Variants in CTNNA2 observed in about 807,000 individuals in gnomAD.
CTNNA2 encodes catenin alpha 2.
Under a neutral mutation model 101.0 loss-of-function variants are expected in CTNNA2, and 42 were observed. The ratio of observed to expected loss-of-function variants is 0.42; its 90% CI spans 0.32 to 0.54. The LOEUF is 0.54. CTNNA2 is among the 20% of genes least tolerant of loss of function. The pLI, the probability that CTNNA2 is intolerant of heterozygous loss-of-function variation, is 0.14. For missense variants in CTNNA2, 871 were observed against 1,223.1 expected (o/e 0.71, Z 4.29); for synonymous variants, 450 against 456.4 (o/e 0.99, Z 0.18).
intron 2 of CTNNA2, among the ~76,000 whole-genome samples, chr2:79,279,266 G>C (rs139979498): frequency 2.0e-5 from 3 of 151,928 alleles, no homozygotes; most frequent in Non-Finnish European, 4.4e-5. Flanking sequence ...GTGTGCCCTC[G>C]CATAGAAAAG....
chr2:79,318,980 A>C (rs986715536), intron 3 of CTNNA2, among the ~76,000 whole-genome samples: 15 of 152,202 alleles, frequency 9.9e-5, no homozygotes, highest in African/African-American at 2.9e-4. Context: ...ATAGTCACTT[A>C]GAAATTAGGA....
chr2:80,245,297 G>T (rs1372004096), intron 7 of CTNNA2, among the ~76,000 whole-genome samples: 1 of 152,136 alleles, frequency 6.6e-6, no homozygotes, highest in African/African-American at 2.4e-5. Flanking sequence ...GTAAAATATT[G>T]ATTTAGGGCA....
At chr2:80,152,170 A>G (rs1452723560) in intron 7 of CTNNA2, among the ~76,000 whole-genome samples, 1 of 152,232 alleles carries the variant, frequency 6.6e-6, no homozygotes, top group Non-Finnish European at 1.5e-5. Context: ...CATACGATTC[A>G]GTTAAGAATA....
chr2:79,724,716 G>A (rs1686709300), intron 2 of CTNNA2, among the ~76,000 whole-genome samples: 1 of 150,468 alleles, frequency 6.6e-6, no homozygotes, highest in African/African-American at 2.5e-5. Context: ...TTTGGAGGCT[G>A]AGGCAGGAGA....
chr2:79,841,789 C>T (rs1471758265), intron 3 of CTNNA2, among the ~76,000 whole-genome samples: 1 of 152,156 alleles, frequency 6.6e-6, no homozygotes, highest in Non-Finnish European at 1.5e-5. Flanking sequence ...AAAGGAAAAG[C>T]CAGATGTTTG....
At chr2:79,210,350 G>A (rs986713564) in intron 2 of CTNNA2, among the ~76,000 whole-genome samples, 3 of 152,046 alleles carry the variant, frequency 2.0e-5, no homozygotes, top group Admixed American at 6.6e-5. Context: ...GTACATATTA[G>A]AATTGCAAAT....
chr2:79,439,248 A>G (rs1175844705), intron 4 of CTNNA2, among the ~76,000 whole-genome samples: 2 of 152,228 alleles, frequency 1.3e-5, no homozygotes, highest in Non-Finnish European at 2.9e-5. Flanking sequence ...AAAAGAAATG[A>G]AGCACTGATA....
chr2:79,299,534 C>T lies in CTNNA2; in HGVS notation c.-405-13175C>T, dbSNP rs1011390618. Among the ~76,000 whole-genome samples, 44 of 152,268 alleles carry T rather than the reference C, an allele frequency of 2.9e-4. 1 individual carries two copies. The highest frequency in any genetic ancestry group is 1.0e-3 in the African/African-American group (43 of 41,546). ...TCTCTTTCAAAGCCCTCTGCCAAAC[C>T]GGTGATGGGAGAAATTAAAAATCCC... On this transcript the variant is annotated intron_variant, in intron 2 of 21. Transcript: ENST00000466387.
At chr2:79,707,688 C>T (rs911941417) in intron 2 of CTNNA2, among the ~76,000 whole-genome samples, 2 of 152,194 alleles carry the variant, frequency 1.3e-5, no homozygotes, top group Non-Finnish European at 2.9e-5. Context: ...TTAAGAAGCC[C>T]ATGCTTTGTC....
At chr2:80,068,613 T>A (rs1259546655) in intron 7 of CTNNA2, among the ~76,000 whole-genome samples, 2 of 152,216 alleles carry the variant, frequency 1.3e-5, no homozygotes, top group African/African-American at 2.4e-5. Context: ...ATTGCCAAAT[T>A]ACAATGTATT....
chr2:80,242,672 A>G (rs1179945545), intron 7 of CTNNA2, among the ~76,000 whole-genome samples: 2 of 152,094 alleles, frequency 1.3e-5, no homozygotes, highest in Non-Finnish European at 2.9e-5. Flanking sequence ...CTAAGTGTCA[A>G]CTCAAACAAT....
At chr2:79,848,870 A>G (rs759072268) in intron 3 of CTNNA2, among the ~76,000 whole-genome samples, 26 of 152,110 alleles carry the variant, frequency 1.7e-4, no homozygotes, top group Non-Finnish European at 3.1e-4. Context: ...TTAGGTGAGG[A>G]GAGTTTGATT....
chr2:80,629,215 G>T (rs1343552434), intron 18 of CTNNA2, among the ~76,000 whole-genome samples: 1 of 152,108 alleles, frequency 6.6e-6, no homozygotes, highest in Admixed American at 6.5e-5. Context: ...CAAGGAAGGT[G>T]CTGGACATAA....
intron 9 of CTNNA2, among the ~76,000 whole-genome samples, chr2:80,488,473 C>G (rs1407353218): frequency 6.6e-6 from 1 of 151,966 alleles, no homozygotes; most frequent in Non-Finnish European, 1.5e-5. Flanking sequence ...TACATTAAAA[C>G]CCTAAGAGAA....
intron 7 of CTNNA2, among the ~76,000 whole-genome samples, chr2:79,947,865 G>T (rs953648241): frequency 3.4e-4 from 52 of 152,256 alleles, no homozygotes; most frequent in African/African-American, 1.3e-3. Context: ...TATGAAAGAG[G>T]TAATGTTTGC....
intron 6 of CTNNA2, among the ~76,000 whole-genome samples, chr2:79,907,848 TC>T (rs1252079155): frequency 6.6e-6 from 1 of 152,234 alleles, no homozygotes; most frequent in Non-Finnish European, 1.5e-5. Context: ...CCAGTGGACT[TC>T]AGACATGGTC....
intron 12 of CTNNA2, among the ~76,000 whole-genome samples, chr2:80,565,998 G>T (rs1237251439): frequency 6.6e-6 from 1 of 152,094 alleles, no homozygotes; most frequent in African/African-American, 2.4e-5. Context: ...TTGAAACGTA[G>T]ATCAAGCATC....
At chr2:79,626,783 C>T (rs538335220) in intron 1 of CTNNA2, among the ~76,000 whole-genome samples, 35 of 151,056 alleles carry the variant, frequency 2.3e-4, no homozygotes, top group Admixed American at 1.5e-3. Flanking sequence ...AGACAACATG[C>T]GTTATATTTT....
At chr2:80,637,502 A>G (rs922773244) in intron 18 of CTNNA2, among the ~76,000 whole-genome samples, 10 of 152,026 alleles carry the variant, frequency 6.6e-5, no homozygotes, top group African/African-American at 2.4e-4. Flanking sequence ...AGAGGAAGAA[A>G]GAGGTGGGGA....
Sources: allele counts gnomAD v4.1 joint callset (sites outside exome capture counted in the v4.1 genomes callset), GRCh38; gene constraint gnomAD v4.1.1; transcripts MANE v1.5; gene names NCBI Gene and HGNC (gene_info 2026-07-23, HGNC 2026-07-21).